The following FAF1 variants were observed in gnomAD, a reference collection of about 807,000 sequenced individuals.
FAF1 encodes the protein FAS-associated factor 1.
Under a neutral mutation model 92.5 loss-of-function variants are expected in FAF1, and 25 were observed. That is an observed-to-expected ratio of 0.27 (90% CI 0.20 to 0.38). FAF1 has a LOEUF of 0.38. Among genes scored for constraint, FAF1 ranks in the 10% least tolerant of loss-of-function variants. The pLI, the probability that FAF1 is intolerant of heterozygous loss-of-function variation, is 1.00. For missense variants in FAF1, 636 were observed against 793.3 expected (o/e 0.80, Z 2.38); for synonymous variants, 234 against 273.2 (o/e 0.86, Z 1.42).
chr1:50,471,140 G>C (rs962377887), intron 18 of FAF1: 1 of 152,144 alleles, frequency 6.6e-6, no homozygotes, highest in Non-Finnish European at 1.5e-5. Flanking sequence ...AATTAAATGC[G>C]AATTAAACTG....
intron 18 of FAF1, among the ~76,000 whole-genome samples, chr1:50,443,087 T>C (rs1342043473): frequency 2.0e-5 from 3 of 152,240 alleles, no homozygotes; most frequent in African/African-American, 7.2e-5. Flanking sequence ...TGCTTCTCAT[T>C]CGTTGGCATT....
chr1:50,446,814 G>A (rs1027710144), intron 18 of FAF1, among the ~76,000 whole-genome samples: 7 of 151,808 alleles, frequency 4.6e-5, no homozygotes, highest in Non-Finnish European at 1.0e-4. Flanking sequence ...TCTTTTTAAT[G>A]TTCCTAATGC....
intron 7 of FAF1, among the ~76,000 whole-genome samples, chr1:50,696,104 G>A (rs1326912277): frequency 1.3e-5 from 2 of 152,042 alleles, no homozygotes; most frequent in African/African-American, 4.8e-5. Flanking sequence ...TTCTAACAAT[G>A]GAAGAGGTAT....
chr1:50,558,139 T>C (rs1239665984), intron 13 of FAF1, among the ~76,000 whole-genome samples: 1 of 152,036 alleles, frequency 6.6e-6, no homozygotes, highest in African/African-American at 2.4e-5. Context: ...CCTTAAGTGA[T>C]CCACCTGCCT....
At chr1:50,490,442 A>AGGAG (rs1646820612) in intron 17 of FAF1, 146 bp downstream of exon 17, 1 of 503,796 alleles carries the variant, frequency 2.0e-6, no homozygotes, top group East Asian at 2.9e-5. Context: ...GAAGGAAGGA[A>AGGAG]GGAAGGAAGG....
chr1:50,948,331 T>C (rs1210071885), intron 1 of FAF1, among the ~76,000 whole-genome samples: 4 of 152,184 alleles, frequency 2.6e-5, no homozygotes, highest in Non-Finnish European at 2.9e-5. Flanking sequence ...TGTTGGCTCA[T>C]GGTTCTCAAG....
At chr1:50,457,446 T>C (rs372532187) in intron 18 of FAF1, among the ~76,000 whole-genome samples, 2 of 152,304 alleles carry the variant, frequency 1.3e-5, no homozygotes, top group East Asian at 1.9e-4. Context: ...TTGCAGTTGT[T>C]TGTGTTTACA....
intron 1 of FAF1, among the ~76,000 whole-genome samples, chr1:50,922,610 G>C (rs776278675): frequency 3.3e-5 from 5 of 151,678 alleles, no homozygotes; most frequent in Non-Finnish European, 7.4e-5. Flanking sequence ...CCTGAGGTCA[G>C]GAGTTTGAGA....
chr1:50,562,436 T>C (rs527873293), intron 13 of FAF1, among the ~76,000 whole-genome samples: 2 of 152,172 alleles, frequency 1.3e-5, no homozygotes, highest in Non-Finnish European at 2.9e-5. Context: ...TTGTTCCCCA[T>C]ACGTAATTAT....
At position 50,475,696 on chromosome 1, in the gene FAF1, C is replaced by T. The variant is rs1396586385; in HGVS notation, c.1654-17G>A. ...CCGGATGGCCTAGGGAGAGCAAAAA[C>T]CAGGTGTTAAAATGTGAGAAGGACT... On this transcript the variant is annotated splice_polypyrimidine_tract_variant and intron_variant, in intron 17 of 18. Transcript: ENST00000396153. 2 of 1,583,130 alleles carry T rather than the reference C, an allele frequency of 1.3e-6. No individual in the cohort carries two copies. Among genetic ancestry groups the T allele is most frequent in the East Asian group, 2.2e-5 (1 of 44,544 alleles).
intron 18 of FAF1, among the ~76,000 whole-genome samples, chr1:50,449,609 C>T (rs1274928050): frequency 6.6e-6 from 1 of 151,192 alleles, no homozygotes; most frequent in Non-Finnish European, 1.5e-5. Flanking sequence ...CCTACCTCAG[C>T]CTCCCAAATA....
At chr1:50,495,705 G>C (rs1646889988) in intron 15 of FAF1, among the ~76,000 whole-genome samples, 2 of 152,140 alleles carry the variant, frequency 1.3e-5, no homozygotes, top group Non-Finnish European at 2.9e-5. Flanking sequence ...CATGGTGATT[G>C]TACTAATTTA....
intron 1 of FAF1, among the ~76,000 whole-genome samples, chr1:50,898,349 TAGG>T: frequency 6.6e-6 from 1 of 152,132 alleles, no homozygotes; most frequent in East Asian, 1.9e-4. Flanking sequence ...CAAAAAACTC[TAGG>T]AGTACTATGC....
At chr1:50,794,284 T>C (rs1163930546) in intron 3 of FAF1, among the ~76,000 whole-genome samples, 2 of 152,132 alleles carry the variant, frequency 1.3e-5, no homozygotes, top group East Asian at 3.8e-4. Flanking sequence ...AAATTTGGAC[T>C]GGGAAGAGAA....
At position 50,763,722 on chromosome 1, in the gene FAF1, A is replaced by G. The variant is rs1557516193; in HGVS notation, c.368-18947T>C. ...TTAAATCCATCAGAGTAAATTATTGATATCACATAATGTATCGACATTTTG... is the reference window on the plus strand; with the variant it reads ...TTAAATCCATCAGAGTAAATTATTGGTATCACATAATGTATCGACATTTTG... On this transcript the variant is annotated intron_variant, in intron 4 of 18. Transcript: ENST00000396153. Among the ~76,000 whole-genome samples, 5 of 152,326 alleles carry G rather than the reference A, an allele frequency of 3.3e-5. No individual in the cohort carries two copies. The East Asian group carries it at 7.7e-4, about 23-fold the overall frequency.
intron 13 of FAF1, among the ~76,000 whole-genome samples, chr1:50,547,258 T>C (rs982921589): frequency 2.0e-5 from 3 of 152,036 alleles, no homozygotes; most frequent in Non-Finnish European, 4.4e-5. Flanking sequence ...TGTAAGCATG[T>C]TGGAGAACAA....
intron 1 of FAF1, among the ~76,000 whole-genome samples, chr1:50,907,786 CCTG>C (rs774482405): frequency 2.6e-5 from 4 of 151,616 alleles, no homozygotes; most frequent in Non-Finnish European, 4.4e-5. Context: ...CTTTATTAGT[CCTG>C]CTATCAATTT....
chr1:50,463,132 G>A (rs1646453077), intron 18 of FAF1, among the ~76,000 whole-genome samples: 1 of 152,176 alleles, frequency 6.6e-6, no homozygotes, highest in Admixed American at 6.5e-5. Context: ...TTTGGTATAT[G>A]TCTGGCAGAG....
At chr1:50,874,108 AG>A (rs1428229908) in intron 1 of FAF1, among the ~76,000 whole-genome samples, 1 of 152,084 alleles carries the variant, frequency 6.6e-6, no homozygotes. Context: ...TTTTGGTTCT[AG>A]TACCTGACAA....
Sources: gnomAD v4.1 joint callset for allele counts (sites outside exome capture counted in the v4.1 genomes callset) on GRCh38, gnomAD v4.1.1 for gene constraint, MANE v1.5 for transcripts, NCBI Gene and HGNC (gene_info 2026-07-23, HGNC 2026-07-21) for gene names.